The following ESRRG variants were observed in gnomAD, a reference collection of about 807,000 sequenced individuals.
ESRRG encodes estrogen-related receptor gamma.
A neutral mutation model predicts 44.0 loss-of-function variants in ESRRG; 13 were observed. That is an observed-to-expected ratio of 0.30 (90% CI 0.19 to 0.47). ESRRG has a LOEUF of 0.47. Ranked by LOEUF, ESRRG falls within the 20% of genes least tolerant of loss-of-function variation. ESRRG has a pLI of 1.00. For synonymous variants in ESRRG, 215 were observed against 214.6 expected, an observed-to-expected ratio of 1.00 and a Z score of -0.02; for missense variants, 395 against 580.6, an observed-to-expected ratio of 0.68 and a Z score of 3.29.
At chr1:217,009,635 T>A (rs961364416) in intron 1 of ESRRG, among the ~76,000 whole-genome samples, 9 of 151,832 alleles carry the variant, frequency 5.9e-5, no homozygotes, top group African/African-American at 1.5e-4. Context: ...ACACTGGGAG[T>A]GCCAGACCTC....
At position 216,888,703 on chromosome 1, in the gene ESRRG, G is replaced by C. The variant is rs147684559; in HGVS notation, c.-14+50879C>G. Among the ~76,000 whole-genome samples the C allele has an allele frequency of 8.1e-3, 1,228 of 152,042 alleles. 18 individuals are homozygous for C. The highest frequency in any genetic ancestry group is 0.028 in the African/African-American group (1,159 of 41,476). ...CCACCTTAACACTTGCCCCTCAAAG[G>C]AACAGCCAATATCCCCAATGCCAAA... On this transcript the variant is annotated intron_variant, in intron 2 of 7. Transcript: ENST00000359162.
At chr1:216,912,436 A>G (rs1277319133) in intron 2 of ESRRG, among the ~76,000 whole-genome samples, 2 of 152,178 alleles carry the variant, frequency 1.3e-5, no homozygotes, top group Non-Finnish European at 2.9e-5. Context: ...AGATGGCAGT[A>G]GTAGGATTCA....
intron 3 of ESRRG, among the ~76,000 whole-genome samples, chr1:216,602,454 G>A (rs949800953): frequency 3.9e-5 from 6 of 152,176 alleles, no homozygotes; most frequent in Admixed American, 6.6e-5. Context: ...ATAAGACTGA[G>A]ATAAGAAAAT....
At chr1:216,697,698 G>A (rs1227736604) in intron 1 of ESRRG, among the ~76,000 whole-genome samples, 2 of 152,300 alleles carry the variant, frequency 1.3e-5, no homozygotes, top group East Asian at 3.9e-4. Flanking sequence ...AGAAACTAAC[G>A]AGGTTAGAGC....
chr1:216,615,210 T>G (rs903005551), intron 3 of ESRRG, among the ~76,000 whole-genome samples: 6 of 152,154 alleles, frequency 3.9e-5, no homozygotes, highest in Non-Finnish European at 8.8e-5. Flanking sequence ...TCAAAAGACT[T>G]TTGTTGACCA....
intron 2 of ESRRG, among the ~76,000 whole-genome samples, chr1:216,853,663 G>A (rs981692571): frequency 3.9e-5 from 6 of 151,998 alleles, no homozygotes; most frequent in African/African-American, 1.4e-4. Flanking sequence ...CCAAAGACCG[G>A]GTAAACTCAC....
chr1:216,993,539 T>C (rs1324706381), intron 1 of ESRRG, among the ~76,000 whole-genome samples: 1 of 152,192 alleles, frequency 6.6e-6, no homozygotes, highest in Non-Finnish European at 1.5e-5. Context: ...GAAGCATCCC[T>C]GCAGTGTGAA....
intron 5 of ESRRG, among the ~76,000 whole-genome samples, chr1:216,544,076 T>C (rs973322392): frequency 8.6e-5 from 13 of 151,952 alleles, no homozygotes; most frequent in Admixed American, 8.5e-4. Flanking sequence ...ACAAAATAGG[T>C]GGATGATGAC....
rs185600704 is a variant in ESRRG at position 216,645,330 on chromosome 1, T to C, written c.589+5643A>G. 8.7e-4 allele frequency among the ~76,000 whole-genome samples: 132 copies of C among 152,240 alleles called. 2 individuals carry two copies. Among genetic ancestry groups the C allele is most frequent in the Admixed American group, 6.7e-3 (102 of 15,280 alleles). ...TATGGTAGTTCCAGCTTCATTGATA[T>C]AGTCATCATCATCATCATCATCATC... On this transcript the variant is annotated intron_variant, in intron 3 of 6. Transcript: ENST00000408911.
chr1:216,663,788 C>T (rs557711200), intron 2 of ESRRG, among the ~76,000 whole-genome samples: 8 of 151,930 alleles, frequency 5.3e-5, no homozygotes, highest in African/African-American at 1.9e-4. Flanking sequence ...CTCTTTCTTC[C>T]TAAAATAAAT....
Position 217,088,205 on chromosome 1 carries a change from G to A in ESRRG, c.-106+1302C>T, listed in dbSNP as rs949000832. ...CCCCTATTTGGTCTTTGGGCAGTGT[G>A]AGAAACAAATGAGAGTTTCTCTTCA... On this transcript the variant is annotated intron_variant, in intron 1 of 7. Transcript: ENST00000359162. Among the ~76,000 whole-genome samples, 4 of 152,054 alleles carry A rather than the reference G, an allele frequency of 2.6e-5. No homozygotes were observed. In the East Asian group the frequency reaches 5.8e-4, roughly 22 times the overall value.
At chr1:216,677,882 A>G (rs2076375859) in intron 1 of ESRRG, among the ~76,000 whole-genome samples, 1 of 152,228 alleles carries the variant, frequency 6.6e-6, no homozygotes, top group Non-Finnish European at 1.5e-5. Flanking sequence ...TATCAATGGA[A>G]GAGGTGGTGA....
chr1:216,774,015 C>G (rs1455801262), intron 2 of ESRRG, among the ~76,000 whole-genome samples: 1 of 152,060 alleles, frequency 6.6e-6, no homozygotes, highest in Non-Finnish European at 1.5e-5. Flanking sequence ...ATTTACTCTT[C>G]ATAACAGTTC....
chr1:216,674,710 A>G lies in ESRRG; in HGVS notation c.472+2366T>C, dbSNP rs2075790752. On this transcript the variant is annotated intron_variant, in intron 2 of 6. Coordinates refer to ENST00000408911, the MANE Select transcript of ESRRG (RefSeq NM_001438.4). ...CTGCAACCTCCAATTCCTGGGCTCA[A>G]GCAATCCTTCTGCCTCAACCTTTCC... 1.3e-5 allele frequency among the ~76,000 whole-genome samples: 2 copies of G among 151,444 alleles called. 1 individual carries two copies. The highest frequency in any genetic ancestry group is 1.3e-4 in the Admixed American group (2 of 15,148).
At chr1:217,038,727 C>T (rs2083339246) in intron 1 of ESRRG, among the ~76,000 whole-genome samples, 1 of 152,234 alleles carries the variant, frequency 6.6e-6, no homozygotes, top group Admixed American at 6.5e-5. Flanking sequence ...CTGACCTGCA[C>T]TGGAGACATT....
At chr1:216,628,167 T>A (rs2063509207) in intron 3 of ESRRG, among the ~76,000 whole-genome samples, 1 of 152,232 alleles carries the variant, frequency 6.6e-6, no homozygotes. Context: ...TTAATTCATG[T>A]CCTTTCTATA....
chr1:217,008,328 G>C (rs2078052044), intron 1 of ESRRG, among the ~76,000 whole-genome samples: 1 of 152,174 alleles, frequency 6.6e-6, no homozygotes, highest in African/African-American at 2.4e-5. Flanking sequence ...CAAATGCAGA[G>C]CTTTTTCCAT....
intron 1 of ESRRG, among the ~76,000 whole-genome samples, chr1:217,016,024 C>T (rs1414670064): frequency 2.6e-5 from 4 of 151,948 alleles, no homozygotes; most frequent in African/African-American, 7.3e-5. Flanking sequence ...AAGTTTGTGT[C>T]GATCTTACCT....
rs989075898 is a variant in ESRRG, at chr1:217,009,709, T to C, written c.-105-70036A>G. On this transcript the variant is annotated intron_variant, in intron 1 of 7. Transcript: ENST00000359162. The stretch of plus-strand genomic sequence containing the variant: ...AGTTTCCTTTTTCTTTTTCTTTTTT[T>C]TTTTTTTTTTTTTTGAGATGGAGTC... Among the ~76,000 whole-genome samples, 335 of 144,022 alleles carry C rather than the reference T, an allele frequency of 2.3e-3. 1 individual carries two copies. The highest frequency in any genetic ancestry group is 8.2e-3 in the African/African-American group (319 of 38,980). The allele number at this position is 144,022 out of a possible 152,430, so 94.5% of individuals were successfully genotyped here.
Sources: gnomAD v4.1 joint callset for allele counts (sites outside exome capture counted in the v4.1 genomes callset) on GRCh38, gnomAD v4.1.1 for gene constraint, MANE v1.5 for transcripts, NCBI Gene and HGNC (gene_info 2026-07-23, HGNC 2026-07-21) for gene names.